MUSK: variants seen among roughly 807,000 people sequenced by gnomAD.
The protein encoded by MUSK is muscle associated receptor tyrosine kinase, also known as muscle, skeletal receptor tyrosine-protein kinase.
Under a neutral mutation model 88.7 loss-of-function variants are expected in MUSK, and 55 were observed. The observed-to-expected ratio is 0.62, with a 90% confidence interval of 0.50 to 0.78. The LOEUF (loss-of-function observed/expected upper bound fraction) is 0.78, where lower values mean the gene tolerates loss of function less well. MUSK is among the 30% of genes least tolerant of loss of function. MUSK has a pLI of 0.00. For synonymous variants in MUSK, 387 were observed against 391.9 expected, an observed-to-expected ratio of 0.99 and a Z score of 0.15; for missense variants, 1,015 against 1,074.3, an observed-to-expected ratio of 0.94 and a Z score of 0.77.
intron 3 of MUSK, among the ~76,000 whole-genome samples, chr9:110,689,537 A>ATATAGTTATC (rs1554735095): frequency 9.3e-6 from 1 of 107,016 alleles, no homozygotes; most frequent in African/African-American, 4.1e-5. Flanking sequence ...ATATATAAAT[A>ATATAGTTATC]TATAGTTATA....
intron 14 of MUSK, chr9:110,788,050 T>C (rs1564293970): frequency 1.8e-6 from 1 of 562,624 alleles, no homozygotes; most frequent in Non-Finnish European, 3.2e-6. Context: ...CACTTCAATT[T>C]GTCTCTGTCT....
chr9:110,686,962 A>G (rs2076203804), intron 2 of MUSK, among the ~76,000 whole-genome samples, 155 bp from the exon 3 acceptor site: 1 of 152,220 alleles, frequency 6.6e-6, no homozygotes, highest in African/African-American at 2.4e-5. Context: ...GCTTTATATT[A>G]TCAAGTAAGG....
intron 11 of MUSK, among the ~76,000 whole-genome samples, 172 bp downstream of exon 11, chr9:110,776,827 A>C (rs71495130): frequency 8.3e-4 from 126 of 152,306 alleles, no homozygotes; most frequent in Admixed American, 2.2e-3. Flanking sequence ...GGAAGGTCTC[A>C]GTTTATAACT....
rs762353826 is a variant in MUSK at position 110,747,717 on chromosome 9, C to T, written c.830C>T (p.Pro277Leu). 3 of 1,613,672 alleles carry T rather than the reference C, an allele frequency of 1.9e-6. No homozygotes were observed. The highest frequency in any genetic ancestry group is 2.5e-6 in the Non-Finnish European group (3 of 1,179,790). ...AGACTGCAGCTGTTTATCACCAAGC[C>T]AGGACTCTACACATGCATAGCTACC... Reference protein sequence around the residue: ...DSRLQLFITKPGLYTCIATNK... With the variant: ...DSRLQLFITKLGLYTCIATNK... Residue 277 changes from proline (P) to leucine (L), a missense_variant, in exon 7 of 15, where the codon CCA becomes CTA. Coordinates refer to ENST00000374448, the MANE Select transcript of MUSK (RefSeq NM_005592.4).
chr9:110,686,454 T>C lies in MUSK; in HGVS notation c.207-663T>C, dbSNP rs570775406. On this transcript the variant is annotated intron_variant, in intron 2 of 14. Transcript: ENST00000374448. Reference sequence around the variant, plus strand: ...CACGCATTTGGCATAAAAAAACTCTTATTTGGTTAAAAGAAACTCTCTTTT... The same window carrying C: ...CACGCATTTGGCATAAAAAAACTCTCATTTGGTTAAAAGAAACTCTCTTTT... Among the ~76,000 whole-genome samples, 17 of 152,246 alleles carry C rather than the reference T, an allele frequency of 1.1e-4. No homozygotes were observed. The South Asian group carries it at 3.5e-3, about 32-fold the overall frequency.
At position 110,767,863 on chromosome 9, in the gene MUSK, G is replaced by A. The variant is rs1449532775; in HGVS notation, c.964G>A (p.Gly322Arg). ...CAAAGGCTACTGCGCCCAGTACAGA[G>A]GGGAGGTGTGTAATGCAGTCCTGGC... is the stretch of plus-strand genomic sequence containing the variant. ...DNKGYCAQYR[G>R]EVCNAVLAKD... Residue 322 changes from glycine (G) to arginine (R), a missense_variant, in exon 9 of 15, where the codon GGG (glycine) becomes AGG (arginine). Transcript: ENST00000374448. 6 of 1,613,990 alleles carry A rather than the reference G, an allele frequency of 3.7e-6. No individual in the cohort carries two copies. Among genetic ancestry groups the A allele is most frequent in the Non-Finnish European group, 4.2e-6 (5 of 1,179,878 alleles).
rs535527476 is a variant in MUSK at position 110,715,941 on chromosome 9, G to C, written c.629-18310G>C. On this transcript the variant is annotated intron_variant, in intron 5 of 14. Coordinates refer to ENST00000374448, the MANE Select transcript of MUSK (RefSeq NM_005592.4). ...AACGATGAGAACACATGGACACATG[G>C]GGGGAACAATACACACTGGGGCCTG... Among the ~76,000 whole-genome samples, 3 of 149,290 alleles carry C rather than the reference G, an allele frequency of 2.0e-5. 1 individual carries two copies. The highest frequency in any genetic ancestry group is 7.7e-5 in the African/African-American group (3 of 39,136).
chr9:110,772,599 A>C (rs1258804989), intron 9 of MUSK, among the ~76,000 whole-genome samples: 2 of 152,036 alleles, frequency 1.3e-5, no homozygotes, highest in Non-Finnish European at 2.9e-5. Flanking sequence ...ATAAAGACTT[A>C]GTCTCTTCCA....
At chr9:110,754,710 T>A (rs2077290479) in intron 7 of MUSK, among the ~76,000 whole-genome samples, 1 of 152,258 alleles carries the variant, frequency 6.6e-6, no homozygotes, top group South Asian at 2.1e-4. Flanking sequence ...TTCCAAATTA[T>A]ATGCCATTTT....
intron 1 of MUSK, among the ~76,000 whole-genome samples, chr9:110,676,343 C>CATATATTAATTATATATTATATATT (rs1554731515): frequency 2.7e-5 from 3 of 112,742 alleles, no homozygotes; most frequent in Admixed American, 8.3e-5. Flanking sequence ...CATACACACA[C>CATATATTAATTATATATTATATATT]ATATATTATA....
At chr9:110,744,047 A>C (rs754744197) in intron 6 of MUSK, among the ~76,000 whole-genome samples, 4 of 151,804 alleles carry the variant, frequency 2.6e-5, no homozygotes, top group Non-Finnish European at 4.4e-5. Flanking sequence ...AGCTCACTGC[A>C]ACCTCCACCT....
chr9:110,723,106 A>G (rs2076835442), intron 5 of MUSK, among the ~76,000 whole-genome samples: 1 of 152,106 alleles, frequency 6.6e-6, no homozygotes, highest in South Asian at 2.1e-4. Context: ...CACAATTTGC[A>G]ATTGCAAAAA....
chr9:110,699,883 T>G (rs1392501892), intron 5 of MUSK, among the ~76,000 whole-genome samples: 7 of 152,112 alleles, frequency 4.6e-5, no homozygotes, highest in African/African-American at 1.2e-4. Flanking sequence ...AAGATAGAGT[T>G]TTGTCATTGA....
At chr9:110,733,935 T>A (rs2076995881) in intron 5 of MUSK, among the ~76,000 whole-genome samples, 2 of 152,066 alleles carry the variant, frequency 1.3e-5, no homozygotes. Flanking sequence ...AAAATGTCAC[T>A]TAAACAGAGA....
At chr9:110,717,186 T>A (rs1164546062) in intron 5 of MUSK, among the ~76,000 whole-genome samples, 2 of 149,918 alleles carry the variant, frequency 1.3e-5, no homozygotes, top group Non-Finnish European at 2.9e-5. Context: ...GCTTCTTTTT[T>A]TAATTCCTTT....
chr9:110,689,760 A>T (rs1183672803), intron 3 of MUSK, among the ~76,000 whole-genome samples: 19 of 40,414 alleles, frequency 4.7e-4, no homozygotes, highest in Non-Finnish European at 7.9e-4. Flanking sequence ...TTATATATAA[A>T]CTATATATAT....
chr9:110,762,772 C>A (rs938175277), intron 8 of MUSK, among the ~76,000 whole-genome samples: 2 of 152,052 alleles, frequency 1.3e-5, no homozygotes, highest in African/African-American at 4.8e-5. Context: ...TTAAAACTGA[C>A]CTTCATAAAA....
Position 110,687,178 on chromosome 9 carries a change from GA to G in MUSK, c.270del (p.Asp91ThrfsTer27), listed in dbSNP as rs747736305. 6.2e-7 allele frequency: 1 copy of G among 1,613,840 alleles called. No individual in the cohort carries two copies. The highest frequency in any genetic ancestry group is 1.1e-5 in the South Asian group (1 of 91,072). On this transcript the variant is annotated frameshift_variant, in exon 3 of 15. Transcript: ENST00000374448. LOFTEE classifies it high-confidence loss of function. The stretch of plus-strand genomic sequence containing the variant: ...GCAGCTCCTCACCATCCTGAGTGTG[GA>G]AGACAGTGATGATGGCATTTACTGC... Reference protein sequence around the residue: ...NGQLLTILSVEDSDDGIYCCT... With the variant: ...NGQLLTILSVXDSDDGIYCCT...
Position 110,734,264 on chromosome 9 carries a change from C to T in MUSK, c.642C>T (p.Ile214=), listed in dbSNP as rs1160541673. 1.9e-6 allele frequency: 3 copies of T among 1,612,290 alleles called. No homozygotes were observed. The African/African-American group carries it at 4.0e-5, about 22-fold the overall frequency. Residue 214 remains isoleucine, a synonymous_variant, in exon 6 of 15, where the codon ATC becomes ATT. Coordinates refer to ENST00000374448, the MANE Select transcript of MUSK (RefSeq NM_005592.4). ...TCTTCCTAACAGTTTTTGCCAGGAT[C>T]CTGCGGGCTCCTGAATCCCACAATG... The part of the protein sequence containing the change: ...VKLEVEVFAR[I]LRAPESHNVT...
Sources: allele counts gnomAD v4.1 joint callset (sites outside exome capture counted in the v4.1 genomes callset), GRCh38; gene constraint gnomAD v4.1.1; transcripts MANE v1.5; gene names NCBI Gene and HGNC (gene_info 2026-07-23, HGNC 2026-07-21).